Variants in AKAP8L observed in about 807,000 individuals in gnomAD.
AKAP8L encodes the protein A-kinase anchoring protein 8 like.
A neutral mutation model predicts 77.5 loss-of-function variants in AKAP8L; 34 were observed. That is an observed-to-expected ratio of 0.44 (90% CI 0.33 to 0.58). AKAP8L has a LOEUF of 0.58. Ranked by LOEUF, AKAP8L falls within the 20% of genes least tolerant of loss-of-function variation. The probability of loss-of-function intolerance (pLI) is 0.02; values close to 1 mark genes in which losing one functional copy is unlikely to be tolerated. For synonymous variants in AKAP8L, 342 were observed against 340.7 expected (o/e 1.00, Z -0.04); for missense variants, 806 against 887.6 (o/e 0.91, Z 1.17).
intron 12 of AKAP8L, among the ~76,000 whole-genome samples, chr19:15,385,403 G>A (rs910793475): frequency 5.3e-5 from 8 of 151,324 alleles, no homozygotes; most frequent in Non-Finnish European, 7.4e-5. Context: ...GGATGGTCTC[G>A]ATCTCCTGAC....
rs1299325340 is a variant in AKAP8L, at chr19:15,400,127, G to A, written c.1048+168C>T. On this transcript the variant is annotated intron_variant, in intron 8 of 13. Transcript: ENST00000397410. Reference sequence around the variant, plus strand: ...TGGGAAGGAGGAGGAAGAGTGGGAAGGGGGTGGAGGCGGCGAAAAGAAAGC... The same window carrying A: ...TGGGAAGGAGGAGGAAGAGTGGGAAAGGGGTGGAGGCGGCGAAAAGAAAGC... The A allele has an allele frequency of 7.7e-6, 5 of 651,534 alleles. No homozygotes were observed. In the East Asian group the frequency reaches 1.1e-4, roughly 14 times the overall value. 40.4% of individuals were successfully genotyped at this position (651,534 alleles called of 1,614,324 possible).
intron 12 of AKAP8L, among the ~76,000 whole-genome samples, chr19:15,396,228 T>C (rs1192048698): frequency 6.6e-6 from 1 of 152,006 alleles, no homozygotes; most frequent in Non-Finnish European, 1.5e-5. Flanking sequence ...CATGCTCACC[T>C]TGGATGCGAA....
At chr19:15,409,180 A>G (rs980783068) in intron 2 of AKAP8L, among the ~76,000 whole-genome samples, 5 of 152,256 alleles carry the variant, frequency 3.3e-5, no homozygotes, top group African/African-American at 1.2e-4. Flanking sequence ...TTTCTGACAC[A>G]AGACAAGACA....
chr19:15,397,710 T>C lies in AKAP8L; in HGVS notation c.1299+4A>G. 6.2e-7 allele frequency: 1 copy of C among 1,614,000 alleles called. No homozygotes were observed. Among genetic ancestry groups the C allele is most frequent in the Non-Finnish European group, 8.5e-7 (1 of 1,179,886 alleles). On this transcript the variant is annotated splice_donor_region_variant and intron_variant, in intron 10 of 13. Transcript: ENST00000397410. The surrounding 1 kb of genome is among the most constrained non-coding windows in gnomAD (Gnocchi z 4.7). ...AAGAGCGGCTGTGTTACTCCAAGGC[T>C]CACCTGCAGAAAGTCAGCCGTCTGC...
Position 15,380,517 on chromosome 19 carries a change from C to T in AKAP8L, c.1632G>A (p.Lys544=). 6.2e-7 allele frequency: 1 copy of T among 1,613,898 alleles called. No individual in the cohort carries two copies. The highest frequency in any genetic ancestry group is 8.5e-7 in the Non-Finnish European group (1 of 1,179,890). ...GGGCAGGCCCGGACCAGTGCCTCAC[C>T]TTCAGGTAGCGCTCCAGCTTCTTGC... ...LISKKLERYL[K]GENPFTDSPE... The change falls in exon 13 of 14, where the codon AAG becomes AAA. Residue 544 remains lysine (K), a splice_region_variant and synonymous_variant. Transcript: ENST00000397410.
rs563086118 is a variant in AKAP8L, at chr19:15,382,414, A to G, written c.1537-1802T>C. The stretch of plus-strand genomic sequence containing the variant: ...TACAGGGTTTTCCTATGTTGCCCAG[A>G]CTGGTCTTGAGCTCCTGAGCTCAGG... On this transcript the variant is annotated intron_variant, in intron 12 of 13. Coordinates refer to ENST00000397410, the MANE Select transcript of AKAP8L (RefSeq NM_014371.4). 2.0e-5 allele frequency among the ~76,000 whole-genome samples: 3 copies of G among 152,138 alleles called. No homozygotes were observed. In the South Asian group the frequency reaches 6.2e-4, roughly 32 times the overall value.
rs893030892 is a variant in AKAP8L at position 15,380,089 on chromosome 19, G to C, written c.*33C>G. 1.5e-5 allele frequency: 22 copies of C among 1,450,610 alleles called. No homozygotes were observed. In the Admixed American group the frequency reaches 1.7e-4, roughly 11 times the overall value. 89.9% of individuals were successfully genotyped at this position (1,450,610 alleles called of 1,614,324 possible). A position where few individuals can be genotyped will look rare whatever the true frequency, so the allele number is the denominator to read the frequency against. ...TTTATTAGGTTTGGTTTCCAGCTTC[G>C]GCCACGCGGGCTCCGCCCGCCCCGA... On this transcript the variant is annotated 3_prime_UTR_variant, in exon 14 of 14. Transcript: ENST00000397410.
At position 15,399,261 on chromosome 19, in the gene AKAP8L, A is replaced by G; in HGVS notation, c.1157+41T>C. The G allele has an allele frequency of 6.4e-7, 1 of 1,558,736 alleles. No homozygotes were observed. The highest frequency in any genetic ancestry group is 8.9e-7 in the Non-Finnish European group (1 of 1,129,840). ...GCCCTGCTCTCCTGGCGGCAGCCCC[A>G]CAGCGAGGCAGAGGCAGAGGGGTGG... On this transcript the variant is annotated intron_variant, in intron 9 of 13. Coordinates refer to ENST00000397410, the MANE Select transcript of AKAP8L (RefSeq NM_014371.4). The surrounding 1 kb of genome is among the most constrained non-coding windows in gnomAD (Gnocchi z 6.1).
At chr19:15,409,670 G>T (rs1354555180) in intron 2 of AKAP8L, among the ~76,000 whole-genome samples, 2 of 152,190 alleles carry the variant, frequency 1.3e-5, no homozygotes, top group East Asian at 3.8e-4. Context: ...AGCTTTAACA[G>T]CAGTCCGGGC....
chr19:15,395,924 C>T (rs2145124643), intron 12 of AKAP8L, among the ~76,000 whole-genome samples: 1 of 123,152 alleles, frequency 8.1e-6, no homozygotes, highest in African/African-American at 3.1e-5. Context: ...GCGGAGCTTG[C>T]AGTGAGCCGA....
chr19:15,409,513 G>A (rs183193556), intron 2 of AKAP8L, among the ~76,000 whole-genome samples: 1 of 152,148 alleles, frequency 6.6e-6, no homozygotes, highest in Non-Finnish European at 1.5e-5. Flanking sequence ...ACCCCTGAAG[G>A]CATGTTAGCT....
In AKAP8L at chr19:15,391,457, CAAA is replaced by C. The variant is rs1163781609; in HGVS notation, c.1536+5690_1536+5692del. The stretch of plus-strand genomic sequence containing the variant: ...AGGGCGACAGAGTGAGACTCTGTCT[CAAA>C]AAAAAAAAAAAAAAAAAAAAATCCA... On this transcript the variant is annotated intron_variant, in intron 12 of 13. Transcript: ENST00000397410. Among the ~76,000 whole-genome samples the C allele has an allele frequency of 1.7e-4, 6 of 34,918 alleles. No homozygotes were observed. The East Asian group carries it at 6.2e-3, about 36-fold the overall frequency. 22.9% of individuals were successfully genotyped at this position (34,918 alleles called of 152,430 possible). A position where few individuals can be genotyped will look rare whatever the true frequency, so the allele number is the denominator to read the frequency against.
Position 15,403,911 on chromosome 19 carries a change from C to G in AKAP8L, c.121+99G>C. 1.4e-6 allele frequency: 2 copies of G among 1,431,120 alleles called. No homozygotes were observed. Among genetic ancestry groups the G allele is most frequent in the South Asian group, 2.4e-5 (2 of 83,036 alleles). 88.7% of individuals were successfully genotyped at this position (1,431,120 alleles called of 1,614,324 possible). A position where few individuals can be genotyped will look rare whatever the true frequency, so the allele number is the denominator to read the frequency against. On this transcript the variant is annotated intron_variant, in intron 3 of 13. Coordinates refer to ENST00000397410, the MANE Select transcript of AKAP8L (RefSeq NM_014371.4). The surrounding 1 kb of genome is among the most constrained non-coding windows in gnomAD (Gnocchi z 4.3). The stretch of plus-strand genomic sequence containing the variant: ...AGTAGGTAACCCCAGAAACATGCCC[C>G]CTCCCCACTCCCAACCTTGGCCAAG...
rs1168785471 is a variant in AKAP8L at position 15,403,746 on chromosome 19, G to A, written c.122-31C>T. ...GTGAGGGAGACAGAGACAGACAGATGGTGGGGGCAGGCAGAGGGGAGGCAG... is the reference window on the plus strand; with the variant it reads ...GTGAGGGAGACAGAGACAGACAGATAGTGGGGGCAGGCAGAGGGGAGGCAG... On this transcript the variant is annotated intron_variant, in intron 3 of 13. Coordinates refer to ENST00000397410, the MANE Select transcript of AKAP8L (RefSeq NM_014371.4). The surrounding 1 kb of genome is among the most constrained non-coding windows in gnomAD (Gnocchi z 4.3). 7 of 1,514,712 alleles carry A rather than the reference G, an allele frequency of 4.6e-6. No homozygotes were observed. The highest frequency in any genetic ancestry group is 2.0e-5 in the Admixed American group (1 of 51,086). The allele number at this position is 1,514,712 out of a possible 1,614,324, so 93.8% of individuals were successfully genotyped here.
At chr19:15,418,262 A>C (rs2145157865) in intron 1 of AKAP8L, among the ~76,000 whole-genome samples, 1 of 152,282 alleles carries the variant, frequency 6.6e-6, no homozygotes, top group African/African-American at 2.4e-5. Context: ...TATTCCCAAT[A>C]CCCAGTCTGT....
At chr19:15,395,410 G>A (rs947587009) in intron 12 of AKAP8L, among the ~76,000 whole-genome samples, 1 of 151,924 alleles carries the variant, frequency 6.6e-6, no homozygotes, top group African/African-American at 2.4e-5. Flanking sequence ...CTGCCTCCTG[G>A]GTTCAAGCGA....
rs764132259 is a variant in AKAP8L, at chr19:15,397,622, A to G, written c.1303T>C (p.Tyr435His). Residue 435 changes from tyrosine (Y) to histidine (H), a missense_variant, in exon 11 of 14, where the codon TAC (tyrosine) becomes CAC (histidine). Transcript: ENST00000397410. The surrounding 1 kb of genome is among the most constrained non-coding windows in gnomAD (Gnocchi z 4.7). ...GTCTTCTTGGTCTTGTTAGTGACGT[A>G]CTCCTGCAAGGAATATAAAGGTTCA... ...PKQTADFLQEYVTNKTKKTEE... is the reference protein window; with the variant it reads ...PKQTADFLQEHVTNKTKKTEE... The G allele has an allele frequency of 2.5e-6, 4 of 1,613,294 alleles. No homozygotes were observed. Among genetic ancestry groups the G allele is most frequent in the Non-Finnish European group, 2.5e-6 (3 of 1,179,704 alleles).
At chr19:15,384,497 A>G (rs1221672922) in intron 12 of AKAP8L, among the ~76,000 whole-genome samples, 1 of 151,226 alleles carries the variant, frequency 6.6e-6, no homozygotes, top group Admixed American at 6.6e-5. Flanking sequence ...ACAGGGTTTC[A>G]TTATGTTGGC....
intron 2 of AKAP8L, among the ~76,000 whole-genome samples, chr19:15,408,847 G>T (rs77060055): frequency 1.3e-5 from 2 of 150,914 alleles, no homozygotes; most frequent in Non-Finnish European, 3.0e-5. Context: ...ACTCCAGCCT[G>T]GGGGACAGAG....
Sources: allele counts gnomAD v4.1 joint callset (sites outside exome capture counted in the v4.1 genomes callset), GRCh38; gene constraint gnomAD v4.1.1; non-coding constraint Gnocchi (gnomAD v3.1); transcripts MANE v1.5; gene names NCBI Gene and HGNC (gene_info 2026-07-23, HGNC 2026-07-21).